Variants in FAR2 observed in about 807,000 individuals in gnomAD.
FAR2 encodes fatty acyl-CoA reductase 2, also known as epididymis secretory protein Li 81.
Under a neutral mutation model 56.0 loss-of-function variants are expected in FAR2, and 19 were observed. That is an observed-to-expected ratio of 0.34 (90% CI 0.24 to 0.50). The LOEUF is 0.50. FAR2 is among the 20% of genes least tolerant of loss of function. The probability of loss-of-function intolerance (pLI) is 0.98; values close to 1 mark genes in which losing one functional copy is unlikely to be tolerated. For missense variants in FAR2, 508 were observed against 642.2 expected, an observed-to-expected ratio of 0.79 and a Z score of 2.26; for synonymous variants, 219 against 218.8, an observed-to-expected ratio of 1.00 and a Z score of -0.01.
intron 1 of FAR2, among the ~76,000 whole-genome samples, chr12:29,262,412 C>G (rs1307507559): frequency 6.6e-6 from 1 of 152,142 alleles, no homozygotes; most frequent in Non-Finnish European, 1.5e-5. Context: ...AGGCAGATCA[C>G]CTGAGATCAG....
intron 1 of FAR2, among the ~76,000 whole-genome samples, chr12:29,150,832 A>G (rs1016463254): frequency 4.6e-5 from 7 of 152,156 alleles, no homozygotes; most frequent in African/African-American, 1.7e-4. Flanking sequence ...ACTTACTCCT[A>G]TTTCTAACAT....
At chr12:29,311,694 A>ACACACAC (rs397953251) in intron 7 of FAR2, among the ~76,000 whole-genome samples, 189 bp from the exon 8 acceptor site, 1,558 of 150,800 alleles carry the variant, frequency 0.01, 16 homozygotes, top group Middle Eastern at 0.031. Context: ...ACACACACAC[A>ACACACAC]TGCTTTTCCT....
intron 1 of FAR2, among the ~76,000 whole-genome samples, chr12:29,206,309 A>G (rs1198904592): frequency 6.6e-6 from 1 of 152,244 alleles, no homozygotes; most frequent in African/African-American, 2.4e-5. Flanking sequence ...TTAAGCCAGT[A>G]TATTCCAAAG....
At chr12:29,236,569 T>C (rs967780036) in intron 1 of FAR2, among the ~76,000 whole-genome samples, 5 of 152,068 alleles carry the variant, frequency 3.3e-5, no homozygotes, top group African/African-American at 1.2e-4. Context: ...AAGAGAGTGA[T>C]AGTGCAGGAA....
chr12:29,328,033 A>G (rs941734030), intron 10 of FAR2, among the ~76,000 whole-genome samples: 5 of 152,216 alleles, frequency 3.3e-5, no homozygotes, highest in East Asian at 1.9e-4. Context: ...TCCAGAATCT[A>G]CAATGAACTC....
chr12:29,186,780 T>C lies in FAR2; in HGVS notation c.-39+37373T>C, dbSNP rs1173752802. On this transcript the variant is annotated intron_variant, in intron 1 of 11. Coordinates refer to ENST00000536681, the MANE Select transcript of FAR2 (RefSeq NM_001271783.2). ...ATTATTTATTTATTTATTTATTTAT[T>C]TATTTATTTATTTATTTATTTATTT... Among the ~76,000 whole-genome samples, 49 of 21,478 alleles carry C rather than the reference T, an allele frequency of 2.3e-3. 1 individual carries two copies. Among genetic ancestry groups the C allele is most frequent in the Non-Finnish European group, 0.011 (44 of 3,968 alleles). The allele number at this position is 21,478 out of a possible 152,430, so 14.1% of individuals were successfully genotyped here.
intron 1 of FAR2, among the ~76,000 whole-genome samples, chr12:29,237,543 T>C (rs1947960378): frequency 6.6e-6 from 1 of 152,240 alleles, no homozygotes; most frequent in Admixed American, 6.5e-5. Flanking sequence ...TATTAAGAAC[T>C]GCTGCTGCAT....
intron 7 of FAR2, 34 bp from the exon 8 acceptor site, chr12:29,311,849 G>T: frequency 7.0e-7 from 1 of 1,424,150 alleles, no homozygotes; most frequent in Non-Finnish European, 9.8e-7. Context: ...TTTCTATTTT[G>T]TTGTACTTAT....
chr12:29,171,167 C>T (rs960411280), intron 1 of FAR2, among the ~76,000 whole-genome samples: 2 of 152,204 alleles, frequency 1.3e-5, no homozygotes, highest in Non-Finnish European at 2.9e-5. Context: ...GAAAGCCATG[C>T]CAGTGTCCAG....
intron 2 of FAR2, among the ~76,000 whole-genome samples, chr12:29,286,074 CA>C (rs1312933996): frequency 6.6e-6 from 1 of 151,612 alleles, no homozygotes; most frequent in Non-Finnish European, 1.5e-5. Context: ...GACACACACA[CA>C]CACACACACA....
At chr12:29,252,414 G>A (rs930378237) in intron 1 of FAR2, among the ~76,000 whole-genome samples, 1 of 152,210 alleles carries the variant, frequency 6.6e-6, no homozygotes, top group Non-Finnish European at 1.5e-5. Flanking sequence ...GAAGAAGGTA[G>A]CTATAAATAC....
chr12:29,191,220 C>G (rs1311073837), intron 1 of FAR2, among the ~76,000 whole-genome samples: 1 of 152,234 alleles, frequency 6.6e-6, no homozygotes, highest in Non-Finnish European at 1.5e-5. Context: ...CTCAGATAAA[C>G]AGGCCAGATC....
At chr12:29,189,794 G>A (rs924706105) in intron 1 of FAR2, among the ~76,000 whole-genome samples, 1 of 152,172 alleles carries the variant, frequency 6.6e-6, no homozygotes, top group African/African-American at 2.4e-5. Flanking sequence ...AACAAAAAGG[G>A]ATAACTAACT....
At chr12:29,286,201 C>A (rs780839839) in intron 2 of FAR2, among the ~76,000 whole-genome samples, 4 of 152,096 alleles carry the variant, frequency 2.6e-5, no homozygotes, top group Non-Finnish European at 4.4e-5. Flanking sequence ...GCGGTGGGCA[C>A]TATGACAAAC....
chr12:29,268,636 A>C (rs772670639), intron 1 of FAR2, among the ~76,000 whole-genome samples: 23 of 152,080 alleles, frequency 1.5e-4, no homozygotes, highest in African/African-American at 2.4e-4. Flanking sequence ...TATAAGGGGG[A>C]AAAAGGTGGC....
chr12:29,240,809 T>A (rs946540534), intron 1 of FAR2, among the ~76,000 whole-genome samples: 22 of 151,598 alleles, frequency 1.5e-4, no homozygotes, highest in Admixed American at 2.0e-4. Flanking sequence ...ATATTTTTTT[T>A]TATATATTTT....
At chr12:29,307,979 C>A (rs764432161) in intron 5 of FAR2, 144 bp downstream of exon 5, 10 of 809,858 alleles carry the variant, frequency 1.2e-5, no homozygotes, top group African/African-American at 1.8e-5. Context: ...TATACTAGGG[C>A]AAAATTCCAC....
At chr12:29,218,589 A>T (rs1273410165) in intron 1 of FAR2, among the ~76,000 whole-genome samples, 1 of 152,214 alleles carries the variant, frequency 6.6e-6, no homozygotes. Context: ...CAGAAGAAAT[A>T]TTTGAAAAGA....
At chr12:29,181,529 C>A (rs1949991613) in intron 1 of FAR2, among the ~76,000 whole-genome samples, 1 of 152,044 alleles carries the variant, frequency 6.6e-6, no homozygotes, top group African/African-American at 2.4e-5. Flanking sequence ...TCCTCCACTC[C>A]ACTCTCACCA....
Sources: allele counts gnomAD v4.1 joint callset (sites outside exome capture counted in the v4.1 genomes callset), GRCh38; gene constraint gnomAD v4.1.1; transcripts MANE v1.5; gene names NCBI Gene and HGNC (gene_info 2026-07-23, HGNC 2026-07-21).